ANKRD44: variants seen among roughly 807,000 people sequenced by gnomAD.
The protein encoded by ANKRD44 is serine/threonine-protein phosphatase 6 regulatory ankyrin repeat subunit B.
In ANKRD44, 35 loss-of-function variants were observed where a neutral mutation model predicts 116.0. The observed-to-expected ratio is 0.30, with a 90% CI of 0.23 to 0.40. The LOEUF (loss-of-function observed/expected upper bound fraction) is 0.40. Ranked by LOEUF, ANKRD44 falls within the 10% of genes least tolerant of loss-of-function variation. The pLI, the probability that ANKRD44 is intolerant of heterozygous loss-of-function variation, is 1.00. For synonymous variants in ANKRD44, 435 were observed against 461.8 expected, an observed-to-expected ratio of 0.94 and a Z score of 0.74; for missense variants, 1,014 against 1,242.6, an observed-to-expected ratio of 0.82 and a Z score of 2.77.
intron 16 of ANKRD44, among the ~76,000 whole-genome samples, chr2:197,026,928 A>G (rs1397621800): frequency 6.6e-6 from 1 of 152,094 alleles, no homozygotes; most frequent in East Asian, 1.9e-4. Context: ...GATGACGCCC[A>G]GTTTTTGTCC....
At chr2:197,100,593 TA>T (rs1188050509) in intron 9 of ANKRD44, among the ~76,000 whole-genome samples, 1 of 152,252 alleles carries the variant, frequency 6.6e-6, no homozygotes, top group Admixed American at 6.5e-5. Flanking sequence ...TGTTCAATTT[TA>T]ATTTTCCCTG....
At chr2:197,110,937 C>G in intron 8 of ANKRD44, 93 bp from the exon 9 acceptor site, 2 of 841,332 alleles carry the variant, frequency 2.4e-6, no homozygotes, top group Non-Finnish European at 4.1e-6. Context: ...CTAATAATGC[C>G]CTGAAAACAT....
intron 1 of ANKRD44, among the ~76,000 whole-genome samples, chr2:197,225,375 G>A (rs2712874): frequency 0.22 from 34,017 of 151,918 alleles, 3,977 homozygotes; most frequent in Middle Eastern, 0.27. Context: ...ACTGAGTCTC[G>A]CTCTGTCACC....
At chr2:197,240,415 T>A (rs2082067768) in intron 1 of ANKRD44, among the ~76,000 whole-genome samples, 1 of 149,324 alleles carries the variant, frequency 6.7e-6, no homozygotes, top group South Asian at 2.1e-4. Flanking sequence ...GACCTTCTTT[T>A]AAAAAAAACA....
chr2:197,071,714 A>T (rs2077562800), intron 16 of ANKRD44, among the ~76,000 whole-genome samples: 1 of 151,986 alleles, frequency 6.6e-6, no homozygotes, highest in East Asian at 1.9e-4. Context: ...CTCTTGGTTG[A>T]TTATGTTATT....
At chr2:197,023,902 C>T (rs928934093) in intron 17 of ANKRD44, among the ~76,000 whole-genome samples, 1 of 152,184 alleles carries the variant, frequency 6.6e-6, no homozygotes, top group Non-Finnish European at 1.5e-5. Context: ...TCTCCGGGAA[C>T]ACAGACTGAT....
chr2:197,145,551 A>G (rs1302770039), intron 3 of ANKRD44, among the ~76,000 whole-genome samples: 1 of 152,196 alleles, frequency 6.6e-6, no homozygotes, highest in Non-Finnish European at 1.5e-5. Context: ...GTTGGAAGAA[A>G]GGCCTATTCT....
intron 1 of ANKRD44, among the ~76,000 whole-genome samples, chr2:197,262,683 C>G (rs1265448612): frequency 2.0e-5 from 3 of 152,116 alleles, no homozygotes; most frequent in Admixed American, 6.6e-5. Context: ...GCGGGTGGAT[C>G]ACTTGAGGCC....
chr2:197,043,369 G>A (rs2076946116), intron 16 of ANKRD44, among the ~76,000 whole-genome samples: 2 of 151,924 alleles, frequency 1.3e-5, no homozygotes, highest in African/African-American at 4.8e-5. Flanking sequence ...GTTTTGACAA[G>A]GCTTTTTAAA....
intron 1 of ANKRD44, among the ~76,000 whole-genome samples, chr2:197,195,808 C>T (rs963788874): frequency 6.6e-6 from 1 of 152,194 alleles, no homozygotes; most frequent in Non-Finnish European, 1.5e-5. Flanking sequence ...AAGAGAAAGG[C>T]AAATCAAAAC....
chr2:197,242,884 C>A (rs562341755), intron 1 of ANKRD44, among the ~76,000 whole-genome samples: 3 of 152,336 alleles, frequency 2.0e-5, no homozygotes, highest in South Asian at 4.1e-4. Flanking sequence ...AACTGTCAGA[C>A]CTGTCAGTCC....
intron 4 of ANKRD44, among the ~76,000 whole-genome samples, chr2:197,129,540 T>C (rs2079052527): frequency 6.6e-6 from 1 of 152,192 alleles, no homozygotes; most frequent in South Asian, 2.1e-4. Flanking sequence ...TAGGCCTTGT[T>C]GGATGACACC....
Position 197,069,855 on chromosome 2 carries a change from T to C in ANKRD44, c.1650+8848A>G, listed in dbSNP as rs1559038069. On this transcript the variant is annotated intron_variant, in intron 16 of 27. Transcript: ENST00000282272. ...AGATTAATTTGGCATCTTCATTATG[T>C]TGAGTCTTCTAATCCACGCATACAG... Among the ~76,000 whole-genome samples, 3 of 152,102 alleles carry C rather than the reference T, an allele frequency of 2.0e-5. No homozygotes were observed. The South Asian group carries it at 6.2e-4, about 31-fold the overall frequency.
Position 197,009,013 on chromosome 2 carries a change from A to G in ANKRD44, c.1943T>C (p.Leu648Pro). 2 of 1,614,102 alleles carry G rather than the reference A, an allele frequency of 1.2e-6. No homozygotes were observed. Among genetic ancestry groups the G allele is most frequent in the Non-Finnish European group, 1.7e-6 (2 of 1,179,940 alleles). ...AATTTCTAGCAACAGCCGTAAACAC[A>G]GTGTGTGACCATTAATTACTGAAAA... is the stretch of plus-strand genomic sequence containing the variant. The part of the protein sequence containing the change: ...LHASVINGHT[L>P]CLRLLLEIAD... Residue 648 changes from leucine to proline, a missense_variant, in exon 19 of 28, where the codon CTG becomes CCG. By Grantham distance (98) the Leu-to-Pro change is moderately conservative. Transcript: ENST00000282272.
chr2:197,094,086 C>G (rs1261523428), intron 10 of ANKRD44, among the ~76,000 whole-genome samples: 1 of 152,152 alleles, frequency 6.6e-6, no homozygotes. Flanking sequence ...GAAGAAAGAG[C>G]CTTCACACGA....
chr2:197,205,016 T>C (rs933165262), intron 1 of ANKRD44, among the ~76,000 whole-genome samples: 2 of 152,234 alleles, frequency 1.3e-5, no homozygotes, highest in African/African-American at 2.4e-5. Flanking sequence ...CCATCCCTGA[T>C]GTGCTCCAGC....
At chr2:197,294,371 G>A (rs1574464192) in intron 1 of ANKRD44, among the ~76,000 whole-genome samples, 1 of 150,772 alleles carries the variant, frequency 6.6e-6, no homozygotes, top group African/African-American at 2.4e-5. Context: ...AAGATGACAT[G>A]TTGACTGACC....
chr2:197,110,889 G>A (rs370807391), intron 8 of ANKRD44, 45 bp from the exon 9 acceptor site: 1 of 1,399,174 alleles, frequency 7.1e-7, no homozygotes, highest in African/African-American at 1.4e-5. Flanking sequence ...GTGCTCATGA[G>A]CCAGTGACAC....
chr2:197,000,356 T>C (rs2076092536), intron 23 of ANKRD44, 63 bp downstream of exon 23: 3 of 1,315,012 alleles, frequency 2.3e-6, no homozygotes, highest in Non-Finnish European at 3.3e-6. Context: ...TTGGCTACTC[T>C]GCAACTGCAA....
Sources: gnomAD v4.1 joint callset for allele counts (sites outside exome capture counted in the v4.1 genomes callset) on GRCh38, gnomAD v4.1.1 for gene constraint, MANE v1.5 for transcripts, NCBI Gene and HGNC (gene_info 2026-07-23, HGNC 2026-07-21) for gene names.